Variants in BRWD3 observed in about 807,000 individuals in gnomAD.
The protein encoded by BRWD3 is bromodomain and WD repeat-containing protein 3.
In BRWD3, 10 loss-of-function variants were observed where a neutral mutation model predicts 149.7. The ratio of observed to expected loss-of-function variants is 0.07; its 90% CI spans 0.04 to 0.11. BRWD3 has a LOEUF of 0.11. Among genes scored for constraint, BRWD3 ranks in the 10% least tolerant of loss-of-function variants. The probability of loss-of-function intolerance (pLI) is 1.00; values close to 1 mark genes in which losing one functional copy is unlikely to be tolerated. For synonymous variants in BRWD3, 504 were observed against 456.7 expected (o/e 1.10, Z -1.32); for missense variants, 940 against 1,373.2 (o/e 0.68, Z 4.99).
intron 10 of BRWD3, 85 bp downstream of exon 10, chrX:80,735,042 G>T (rs1384874379): frequency 2.4e-6 from 2 of 831,547 alleles, no homozygotes; most frequent in Non-Finnish European, 3.6e-6. Flanking sequence ...ACACTCAAAT[G>T]TGTATCTTTT....
intron 6 of BRWD3, among the ~76,000 whole-genome samples, chrX:80,777,398 A>T (rs2074010971): frequency 9.1e-6 from 1 of 110,473 alleles, no homozygotes; most frequent in African/African-American, 3.3e-5. Context: ...TATTATTATT[A>T]TTTTTTCTTT....
At chrX:80,729,772 C>T (rs2073299921) in intron 13 of BRWD3, 144 bp downstream of exon 13, 4 of 460,260 alleles carry the variant, frequency 8.7e-6, no homozygotes, top group Non-Finnish European at 1.5e-5. Flanking sequence ...CGAAGATTTG[C>T]TTAGAGGCTG....
chrX:80,779,144 T>G (rs1476832225), intron 6 of BRWD3, among the ~76,000 whole-genome samples: 1 of 110,447 alleles, frequency 9.1e-6, no homozygotes, highest in Non-Finnish European at 1.9e-5. Flanking sequence ...TGAAACCCCA[T>G]CTCTACTAAA....
chrX:80,789,477 G>A (rs1477244935), intron 6 of BRWD3, among the ~76,000 whole-genome samples: 1 of 111,783 alleles, frequency 8.9e-6, no homozygotes, highest in African/African-American at 3.3e-5. Flanking sequence ...CCGGGTTCAC[G>A]CCATTCTCCT....
intron 11 of BRWD3, 121 bp from the exon 12 acceptor site, chrX:80,733,617 A>G (rs1268099946): frequency 1.5e-5 from 8 of 526,714 alleles, no homozygotes; most frequent in Admixed American, 3.3e-5. Context: ...TTTAATTTCA[A>G]TGAAGCCCAA....
At position 80,793,654 on chromosome X, in the gene BRWD3, A is replaced by T. The variant is rs764218578; in HGVS notation, c.299T>A (p.Val100Asp). 2.6e-5 allele frequency: 31 copies of T among 1,208,418 alleles called. No individual in the cohort carries two copies. The highest frequency in any genetic ancestry group is 3.4e-5 in the Non-Finnish European group (30 of 894,379). ...ATCCCGTAGCAGAGACTGCCGACCAACACCTAATAATGTCTGTACCCCAGG... is the reference window on the plus strand; with the variant it reads ...ATCCCGTAGCAGAGACTGCCGACCATCACCTAATAATGTCTGTACCCCAGG... ...SVPGVQTLLG[V>D]GRQSLLRDAK... The change falls in exon 5 of 41, where the codon GTT becomes GAT. Residue 100 changes from valine (V) to aspartate (D), a missense_variant. Around this residue, in one of 6 missense-constraint regions of BRWD3, gnomAD observed 105 missense variants for 127.7 expected, o/e 0.82. Coordinates refer to ENST00000373275, the MANE Select transcript of BRWD3 (RefSeq NM_153252.5).
At chrX:80,790,226 C>T (rs764348723) in intron 6 of BRWD3, among the ~76,000 whole-genome samples, 2 of 102,061 alleles carry the variant, frequency 2.0e-5, no homozygotes, top group South Asian at 9.2e-4. Flanking sequence ...AAAGATATAC[C>T]TTCATGATTA....
At chrX:80,783,384 TAAAA>T (rs57607463) in intron 6 of BRWD3, among the ~76,000 whole-genome samples, 3 of 85,152 alleles carry the variant, frequency 3.5e-5, no homozygotes, top group Non-Finnish European at 6.8e-5. Context: ...AGACCCTGTC[TAAAA>T]AAAAAAAAAA....
chrX:80,685,252 A>G (rs769179265), intron 36 of BRWD3, among the ~76,000 whole-genome samples: 1 of 111,429 alleles, frequency 9.0e-6, no homozygotes, highest in East Asian at 2.8e-4. Context: ...AAAAGTAAAC[A>G]TTTACAAGGA....
At chrX:80,793,795 C>A in intron 4 of BRWD3, 23 bp from the exon 5 acceptor site, 1 of 1,173,386 alleles carries the variant, frequency 8.5e-7, no homozygotes, top group South Asian at 1.8e-5. Context: ...AAATAAAACA[C>A]AGGAAAAACA....
intron 6 of BRWD3, among the ~76,000 whole-genome samples, chrX:80,783,768 A>G (rs1428810730): frequency 8.9e-6 from 1 of 111,866 alleles, no homozygotes; most frequent in Non-Finnish European, 1.9e-5. Flanking sequence ...CCTGTCATTT[A>G]TAACAACATG....
chrX:80,735,241 C>T, intron 9 of BRWD3, 44 bp from the exon 10 acceptor site: 2 of 1,038,120 alleles, frequency 1.9e-6, no homozygotes, highest in East Asian at 3.0e-5. Context: ...TCATGTTTGG[C>T]TAATGGGCCA....
intron 3 of BRWD3, 56 bp from the exon 4 acceptor site, chrX:80,808,654 C>T: frequency 1.9e-6 from 2 of 1,069,457 alleles, no homozygotes; most frequent in Non-Finnish European, 2.6e-6. Flanking sequence ...AAGGAAAAGC[C>T]TCCGCTCCCC....
At chrX:80,727,323 C>T (rs1386971720) in intron 14 of BRWD3, among the ~76,000 whole-genome samples, 1 of 111,136 alleles carries the variant, frequency 9.0e-6, no homozygotes, top group Non-Finnish European at 1.9e-5. Flanking sequence ...CATTCCTTTG[C>T]TTTAAACCCT....
chrX:80,711,056 C>T (rs62605572), intron 20 of BRWD3, among the ~76,000 whole-genome samples: 18,082 of 110,005 alleles, frequency 0.16, 1,137 homozygotes, highest in South Asian at 0.43. Context: ...TCATAATTTA[C>T]GTATGCCACA....
rs1027327050 is a variant in BRWD3 at position 80,723,975 on chromosome X, C to T, written c.1522-99G>A. On this transcript the variant is annotated intron_variant, in intron 15 of 40. Coordinates refer to ENST00000373275, the MANE Select transcript of BRWD3 (RefSeq NM_153252.5). ...TTAATACCATGGACTCTGTGATACACAAACATTCCAAAGTACTCTCTCTGG... is the reference window on the plus strand; with the variant it reads ...TTAATACCATGGACTCTGTGATACATAAACATTCCAAAGTACTCTCTCTGG... The T allele has an allele frequency of 4.4e-6, 4 of 918,625 alleles. No homozygotes were observed. The South Asian group carries it at 8.3e-5, about 19-fold the overall frequency. The allele number at this position is 918,625 out of a possible 1,213,427, so 75.7% of individuals were successfully genotyped here.
In BRWD3 at chrX:80,682,447, G is replaced by C. The variant is rs780446374; in HGVS notation, c.4397+18C>G. On this transcript the variant is annotated intron_variant, in intron 38 of 40. Transcript: ENST00000373275. ...AAATGCTTTGAGAACAAAAAATGTT[G>C]CATCAATGTAATGATACCTAGGTGC... The C allele has an allele frequency of 1.5e-5, 18 of 1,202,311 alleles. No individual in the cohort carries two copies. The highest frequency in any genetic ancestry group is 1.6e-5 in the Non-Finnish European group (14 of 888,914).
intron 6 of BRWD3, among the ~76,000 whole-genome samples, chrX:80,751,589 G>A (rs2073668029): frequency 1.8e-5 from 2 of 111,801 alleles, no homozygotes; most frequent in African/African-American, 6.5e-5. Flanking sequence ...ACAAATTCAT[G>A]GGCTATGTGT....
At chrX:80,748,131 C>T (rs781458534) in intron 6 of BRWD3, among the ~76,000 whole-genome samples, 1 of 111,636 alleles carries the variant, frequency 9.0e-6, no homozygotes, top group African/African-American at 3.3e-5. Context: ...GCATGAGCCA[C>T]CATGCCCAGC....
Sources: allele counts gnomAD v4.1 joint callset (sites outside exome capture counted in the v4.1 genomes callset), GRCh38; gene constraint gnomAD v4.1.1; regional missense constraint gnomAD v4.1.1; transcripts MANE v1.5; gene names NCBI Gene and HGNC (gene_info 2026-07-23, HGNC 2026-07-21).